Variants in SPATC1L observed in about 807,000 individuals in gnomAD.
The protein encoded by SPATC1L is spermatogenesis and centriole associated 1 like.
A neutral mutation model predicts 21.2 loss-of-function variants in SPATC1L; 20 were observed. That is an observed-to-expected ratio of 0.94 (90% CI 0.66 to 1.37). The LOEUF (loss-of-function observed/expected upper bound fraction) is 1.37. Ranked by LOEUF, SPATC1L falls within the 40% of genes most tolerant of loss-of-function variation. The pLI, the probability that SPATC1L is intolerant of heterozygous loss-of-function variation, is 0.00. For synonymous variants in SPATC1L, 290 were observed against 234.5 expected, an observed-to-expected ratio of 1.24 and a Z score of -2.16; for missense variants, 499 against 478.7, an observed-to-expected ratio of 1.04 and a Z score of -0.40.
chr21:46,179,094 T>G (rs2079653366), intron 2 of SPATC1L, among the ~76,000 whole-genome samples: 1 of 136,458 alleles, frequency 7.3e-6, no homozygotes. Flanking sequence ...AAAAAAAATT[T>G]TTAACTAGCC....
chr21:46,170,894 C>T (rs1393841963), intron 2 of SPATC1L, among the ~76,000 whole-genome samples: 6 of 148,712 alleles, frequency 4.0e-5, no homozygotes, highest in Non-Finnish European at 8.9e-5. Flanking sequence ...TGTGAACATC[C>T]TCTGTGGATG....
At chr21:46,168,690 G>T in intron 2 of SPATC1L, 32 bp from the exon 3 acceptor site, 1 of 1,317,194 alleles carries the variant, frequency 7.6e-7, no homozygotes, top group South Asian at 2.1e-5. Context: ...TGAGAAATCA[G>T]GCTGATGCTC....
chr21:46,161,949 G>T lies in SPATC1L; in HGVS notation c.663C>A (p.Phe221Leu). The T allele has an allele frequency of 6.2e-7, 1 of 1,608,154 alleles. No individual in the cohort carries two copies. The highest frequency in any genetic ancestry group is 8.5e-7 in the Non-Finnish European group (1 of 1,179,370). The stretch of plus-strand genomic sequence containing the variant: ...TCTTCTCGGGGATGTTGGCCACCGT[G>T]AAGCCGTAGAGCCGCGTCACGCCCG... ...VFPGVTRLYG[F>L]TVANIPEKIE... Residue 221 changes from phenylalanine to leucine, a missense_variant, in exon 4 of 5, where the codon TTC (phenylalanine) becomes TTA (leucine). Phe to Leu is a conservative substitution (Grantham distance 22, BLOSUM62 0). Coordinates refer to ENST00000291672, the MANE Select transcript of SPATC1L (RefSeq NM_001142854.2).
Position 46,183,408 on chromosome 21 carries a change from G to GC in SPATC1L, c.-593dup. ...TGGCAAGGGCAGTGGGAGGAGACCA[G>GC]CATGTGGGGGAGACCAGCCTGGTGG... On this transcript the variant is annotated 5_prime_UTR_variant, in exon 2 of 5. The change creates a premature stop within an existing upstream ORF in the 5' untranslated region. Transcript: ENST00000291672. 5.5e-6 allele frequency: 1 copy of GC among 181,998 alleles called. No individual in the cohort carries two copies. The allele number at this position is 181,998 out of a possible 1,614,324, so 11.3% of individuals were successfully genotyped here.
intron 2 of SPATC1L, among the ~76,000 whole-genome samples, chr21:46,180,932 C>A (rs1408531930): frequency 1.3e-5 from 2 of 152,218 alleles, no homozygotes; most frequent in Non-Finnish European, 2.9e-5. Flanking sequence ...GGGGCAGCAG[C>A]CGTGGTCATG....
chr21:46,179,781 G>C (rs2079658655), intron 2 of SPATC1L, among the ~76,000 whole-genome samples: 1 of 152,230 alleles, frequency 6.6e-6, no homozygotes, highest in Non-Finnish European at 1.5e-5. Flanking sequence ...CCGTGCTGGA[G>C]GGACCAGGAC....
rs2079692061 is a variant in SPATC1L, at chr21:46,183,280, T to C, written c.-464A>G. On this transcript the variant is annotated 5_prime_UTR_variant, in exon 2 of 5. Transcript: ENST00000291672. The stretch of plus-strand genomic sequence containing the variant: ...ATAGGACCTGCCCAGGACACAGGGT[T>C]CCCAGTGCAGCTTCCTGTGGACCCT... 2 of 172,190 alleles carry C rather than the reference T, an allele frequency of 1.2e-5. No homozygotes were observed. The highest frequency in any genetic ancestry group is 6.4e-5 in the Admixed American group (1 of 15,634). The allele number at this position is 172,190 out of a possible 1,614,324, so 10.7% of individuals were successfully genotyped here.
intron 2 of SPATC1L, among the ~76,000 whole-genome samples, chr21:46,181,779 C>T (rs1044718551): frequency 1.3e-5 from 2 of 152,178 alleles, no homozygotes; most frequent in Non-Finnish European, 2.9e-5. Flanking sequence ...TTTCCGGGCC[C>T]GGCCCGGTGG....
chr21:46,176,647 A>G (rs1189229057), intron 2 of SPATC1L, among the ~76,000 whole-genome samples: 1 of 152,214 alleles, frequency 6.6e-6, no homozygotes, highest in African/African-American at 2.4e-5. Context: ...CACAAATGGG[A>G]AAACATTCCA....
rs1601381792 is a variant in SPATC1L, at chr21:46,168,666, G to A, written c.194-8C>T. The A allele has an allele frequency of 6.6e-6, 9 of 1,353,560 alleles. No homozygotes were observed. The highest frequency in any genetic ancestry group is 2.7e-5 in the East Asian group (1 of 36,902). The allele number at this position is 1,353,560 out of a possible 1,614,324, so 83.8% of individuals were successfully genotyped here. On this transcript the variant is annotated splice_region_variant and splice_polypyrimidine_tract_variant and intron_variant, in intron 2 of 4. Coordinates refer to ENST00000291672, the MANE Select transcript of SPATC1L (RefSeq NM_001142854.2). ...ACCTTCCGAAATCTGGAACTGAGGC[G>A]GGGAGGAAAGGGATGAGAAATCAGG... is the stretch of plus-strand genomic sequence containing the variant.
chr21:46,166,192 C>A (rs1042662050), intron 3 of SPATC1L, among the ~76,000 whole-genome samples: 1 of 152,056 alleles, frequency 6.6e-6, no homozygotes, highest in African/African-American at 2.4e-5. Context: ...GTGGCAAAAC[C>A]CCATCTCTAC....
rs1249773418 is a variant in SPATC1L at position 46,182,702 on chromosome 21, A to G, written c.115T>C (p.Cys39Arg). 4.5e-6 allele frequency: 7 copies of G among 1,545,230 alleles called. No individual in the cohort carries two copies. The highest frequency in any genetic ancestry group is 2.0e-5 in the Admixed American group (1 of 50,936). Residue 39 changes from cysteine to arginine, a missense_variant, in exon 2 of 5, where the codon TGC becomes CGC. Cys to Arg is a radical substitution (Grantham distance 180). Coordinates refer to ENST00000291672, the MANE Select transcript of SPATC1L (RefSeq NM_001142854.2). The part of the protein sequence containing the change: ...QMLRRLLSQS[C>R]QEGGGHDLLP... The stretch of plus-strand genomic sequence containing the variant: ...AGGTCGTGGCCGCCGCCCTCCTGGC[A>G]GCTCTGGCTGAGCAGCCGCCGCAGC...
intron 2 of SPATC1L, among the ~76,000 whole-genome samples, chr21:46,172,300 G>A (rs925985746): frequency 6.6e-6 from 1 of 152,144 alleles, no homozygotes; most frequent in African/African-American, 2.4e-5. Context: ...AGAGCACGAG[G>A]CGGTGGGGTG....
intron 2 of SPATC1L, among the ~76,000 whole-genome samples, chr21:46,181,150 A>G (rs62215186): frequency 0.059 from 9,020 of 152,222 alleles, 376 homozygotes; most frequent in Non-Finnish European, 0.094. Context: ...CACACGCCAA[A>G]CAGATTAAGG....
rs1452374031 is a variant in SPATC1L at position 46,168,491 on chromosome 21, G to A, written c.361C>T (p.Pro121Ser). Reference sequence around the variant, plus strand: ...GTGCCTCGGTGGCTATGTGGCTCTGGGGGACTGAGGAAGGCCTTGAAGGGT... The same window carrying A: ...GTGCCTCGGTGGCTATGTGGCTCTGAGGGACTGAGGAAGGCCTTGAAGGGT... ...QAPFKAFLSPPEPHSHRGTDR... is the reference protein window; with the variant it reads ...QAPFKAFLSPSEPHSHRGTDR... Residue 121 changes from proline to serine, a missense_variant, in exon 3 of 5, where the codon CCA (proline) becomes TCA (serine). Transcript: ENST00000291672. 1 of 1,565,142 alleles carries A rather than the reference G, an allele frequency of 6.4e-7. No individual in the cohort carries two copies. Among genetic ancestry groups the A allele is most frequent in the Non-Finnish European group, 8.7e-7 (1 of 1,154,438 alleles).
At position 46,161,212 on chromosome 21, in the gene SPATC1L, G is replaced by T; in HGVS notation, c.*167C>A. 1 of 540,786 alleles carries T rather than the reference G, an allele frequency of 1.8e-6. No individual in the cohort carries two copies. The highest frequency in any genetic ancestry group is 3.0e-6 in the Non-Finnish European group (1 of 331,506). 33.5% of individuals were successfully genotyped at this position (540,786 alleles called of 1,614,324 possible). The stretch of plus-strand genomic sequence containing the variant: ...GAGAAGCACTCCGCAGGTGCGGGCA[G>T]CGGCGGGCTGCGGTCGGGGCCCAGC... On this transcript the variant is annotated 3_prime_UTR_variant, in exon 5 of 5. Transcript: ENST00000291672.
intron 2 of SPATC1L, among the ~76,000 whole-genome samples, chr21:46,178,571 C>G (rs1452476404): frequency 6.6e-6 from 1 of 152,112 alleles, no homozygotes; most frequent in African/African-American, 2.4e-5. Context: ...ACTTGTACCC[C>G]TGAACTTAAA....
intron 3 of SPATC1L, among the ~76,000 whole-genome samples, chr21:46,166,556 T>A (rs1339496051): frequency 1.3e-5 from 2 of 150,286 alleles, no homozygotes; most frequent in Non-Finnish European, 3.0e-5. Flanking sequence ...CTATAAAGAC[T>A]CACACAGACT....
At position 46,161,263 on chromosome 21, in the gene SPATC1L, G is replaced by A; in HGVS notation, c.*116C>T. On this transcript the variant is annotated 3_prime_UTR_variant, in exon 5 of 5. Transcript: ENST00000291672. The stretch of plus-strand genomic sequence containing the variant: ...ACCGGTGGGAGCGGGGCCTTCTCTG[G>A]CCTCGCGCGCGGGGGACGCGGCCCT... The A allele has an allele frequency of 9.6e-7, 1 of 1,044,472 alleles. No homozygotes were observed. Among genetic ancestry groups the A allele is most frequent in the Non-Finnish European group, 1.3e-6 (1 of 765,752 alleles). The allele number at this position is 1,044,472 out of a possible 1,614,324, so 64.7% of individuals were successfully genotyped here.
Sources: gnomAD v4.1 joint callset for allele counts (sites outside exome capture counted in the v4.1 genomes callset) on GRCh38, gnomAD v4.1.1 for gene constraint, MANE v1.5 for transcripts, NCBI Gene and HGNC (gene_info 2026-07-23, HGNC 2026-07-21) for gene names.